TBC1D9B: variants seen among roughly 807,000 people sequenced by gnomAD.
TBC1D9B encodes TBC1 domain family, member 9B (with GRAM domain).
A neutral mutation model predicts 121.1 loss-of-function variants in TBC1D9B; 87 were observed. The observed-to-expected ratio is 0.72, with a 90% CI of 0.60 to 0.86. TBC1D9B has a LOEUF of 0.86. Ranked by LOEUF, TBC1D9B falls within the 40% of genes least tolerant of loss-of-function variation. The probability of loss-of-function intolerance (pLI) is 0.00; values close to 1 mark genes in which losing one functional copy is unlikely to be tolerated. For synonymous variants in TBC1D9B, 668 were observed against 670.1 expected (o/e 1.00, Z 0.05); for missense variants, 1,540 against 1,628.6 (o/e 0.95, Z 0.94).
chr5:179,871,570 A>T (rs1479537225), intron 14 of TBC1D9B, 40 bp from the exon 15 acceptor site: 1 of 1,601,368 alleles, frequency 6.2e-7, no homozygotes, highest in South Asian at 1.1e-5. Flanking sequence ...CTGGATCACA[A>T]GCTCCTGGCA....
chr5:179,865,414 T>C lies in TBC1D9B; in HGVS notation c.2915-54A>G. 6.5e-7 allele frequency: 1 copy of C among 1,539,318 alleles called. No individual in the cohort carries two copies. The highest frequency in any genetic ancestry group is 1.1e-5 in the South Asian group (1 of 89,486). On this transcript the variant is annotated intron_variant, in intron 19 of 20. Transcript: ENST00000355235. The surrounding 1 kb of genome is among the most constrained non-coding windows in gnomAD (Gnocchi z 5.1). ...TTTGTCATGTGAGACGGCTGCGGGC[T>C]GACAGCAGGGAGAGGAAGAGTTGGG...
In TBC1D9B at chr5:179,874,780, C is replaced by T. The variant is rs1216073900; in HGVS notation, c.2186+122G>A. ...CCGCCTCCTGACCCCAGAGCACCCCCGGGTCCAGCTGCAGCCTGGCACTTG... is the reference window on the plus strand; with the variant it reads ...CCGCCTCCTGACCCCAGAGCACCCCTGGGTCCAGCTGCAGCCTGGCACTTG... On this transcript the variant is annotated intron_variant, in intron 12 of 20. Transcript: ENST00000355235. The surrounding 1 kb of genome is among the most constrained non-coding windows in gnomAD (Gnocchi z 4.3). The T allele has an allele frequency of 9.1e-6, 13 of 1,429,584 alleles. No individual in the cohort carries two copies. Among genetic ancestry groups the T allele is most frequent in the Admixed American group, 2.2e-5 (1 of 46,318 alleles). 88.6% of individuals were successfully genotyped at this position (1,429,584 alleles called of 1,614,324 possible). A position where few individuals can be genotyped will look rare whatever the true frequency, so the allele number is the denominator to read the frequency against.
At chr5:179,898,064 C>T (rs187578163) in intron 3 of TBC1D9B, among the ~76,000 whole-genome samples, 2,365 of 152,148 alleles carry the variant, frequency 0.016, 27 homozygotes, top group Non-Finnish European at 0.024. Context: ...GCCTGTAATC[C>T]CATAACTTTG....
intron 14 of TBC1D9B, 185 bp from the exon 15 acceptor site, chr5:179,871,715 C>G (rs1221694759): frequency 1.7e-6 from 1 of 578,230 alleles, no homozygotes; most frequent in Admixed American, 2.8e-5. Flanking sequence ...TGGCCCCCCA[C>G]CTACCACTCA....
At chr5:179,883,609 G>C (rs562539392) in intron 7 of TBC1D9B, among the ~76,000 whole-genome samples, 1 of 151,520 alleles carries the variant, frequency 6.6e-6, no homozygotes, top group South Asian at 2.1e-4. Context: ...CTTTTAACCT[G>C]AGCTTTTTAA....
chr5:179,906,316 G>A (rs1319148398), intron 1 of TBC1D9B, among the ~76,000 whole-genome samples: 4 of 152,152 alleles, frequency 2.6e-5, no homozygotes, highest in Non-Finnish European at 5.9e-5. Flanking sequence ...GTTCCCTTGG[G>A]GGGACCCTGG....
chr5:179,905,228 A>C (rs1439252153), intron 1 of TBC1D9B, among the ~76,000 whole-genome samples: 2 of 152,238 alleles, frequency 1.3e-5, no homozygotes, highest in African/African-American at 4.8e-5. Flanking sequence ...CAAAATCCAG[A>C]AAACCAACAC....
chr5:179,904,279 C>T lies in TBC1D9B; in HGVS notation c.229+423G>A, dbSNP rs958676656. Among the ~76,000 whole-genome samples the T allele has an allele frequency of 1.5e-5, 2 of 137,824 alleles. No homozygotes were observed. Among genetic ancestry groups the T allele is most frequent in the African/African-American group, 2.9e-5 (1 of 34,898 alleles). The allele number at this position is 137,824 out of a possible 152,430, so 90.4% of individuals were successfully genotyped here. On this transcript the variant is annotated intron_variant, in intron 2 of 20. Transcript: ENST00000355235. This position sits in a 1 kb window ranked among gnomAD's most constrained non-coding sequence, Gnocchi z 4.2. ...TCGCTGTGTCGCCCAGGCTGGAGTGCAGTGGCGCGATCTCGGCTCACTGCA... is the reference window on the plus strand; with the variant it reads ...TCGCTGTGTCGCCCAGGCTGGAGTGTAGTGGCGCGATCTCGGCTCACTGCA...
At chr5:179,880,555 G>C (rs1760511350) in intron 7 of TBC1D9B, among the ~76,000 whole-genome samples, 1 of 152,252 alleles carries the variant, frequency 6.6e-6, no homozygotes, top group Admixed American at 6.5e-5. Flanking sequence ...CTGCCAGGGT[G>C]CTGGGCGCCC....
At position 179,879,756 on chromosome 5, in the gene TBC1D9B, G is replaced by C. The variant is rs1446325598; in HGVS notation, c.1288C>G (p.Pro430Ala). The change falls in exon 8 of 21, where the codon CCC (proline) becomes GCC (alanine). Residue 430 changes from proline to alanine, a missense_variant. Transcript: ENST00000355235. ...SPAPQEGSEQ[P>A]ASPASPLSSR... ...CTGAGGGGAGAGGCTGGGCTGGCGG[G>C]CTGCTCCGACCCCTCCTGAGGAGCT... 4 of 1,613,710 alleles carry C rather than the reference G, an allele frequency of 2.5e-6. No individual in the cohort carries two copies. In the African/African-American group the frequency reaches 4.0e-5, roughly 16 times the overall value.
At position 179,904,326 on chromosome 5, in the gene TBC1D9B, G is replaced by A. The variant is rs1237170082; in HGVS notation, c.229+376C>T. On this transcript the variant is annotated intron_variant, in intron 2 of 20. Transcript: ENST00000355235. The surrounding 1 kb of genome is among the most constrained non-coding windows in gnomAD (Gnocchi z 4.2). ...TGCAAGCTCCGCCTCCCGGGTTCAC[G>A]CCATTCTCCTGCCTCAGCCTCCCGA... is the stretch of plus-strand genomic sequence containing the variant. 2.0e-5 allele frequency among the ~76,000 whole-genome samples: 3 copies of A among 149,628 alleles called. No individual in the cohort carries two copies. The highest frequency in any genetic ancestry group is 7.4e-5 in the African/African-American group (3 of 40,592).
chr5:179,903,636 C>G (rs269474), intron 2 of TBC1D9B, among the ~76,000 whole-genome samples: 1 of 152,090 alleles, frequency 6.6e-6, no homozygotes, highest in East Asian at 1.9e-4. Context: ...TTATTTAATA[C>G]GTATTCCTGA....
At position 179,865,718 on chromosome 5, in the gene TBC1D9B, G is replaced by T; in HGVS notation, c.2914+120C>A. 1 of 1,141,440 alleles carries T rather than the reference G, an allele frequency of 8.8e-7. No individual in the cohort carries two copies. Among genetic ancestry groups the T allele is most frequent in the Non-Finnish European group, 1.3e-6 (1 of 794,174 alleles). The allele number at this position is 1,141,440 out of a possible 1,614,324, so 70.7% of individuals were successfully genotyped here. On this transcript the variant is annotated intron_variant, in intron 19 of 20. Transcript: ENST00000355235. The surrounding 1 kb of genome is among the most constrained non-coding windows in gnomAD (Gnocchi z 5.1). ...TCCCGAGGCCTGCTCCCTGATCGGG[G>T]GACGCATCCGCCATCTCCCGGGGTA...
At chr5:179,883,369 A>G (rs1372492402) in intron 7 of TBC1D9B, among the ~76,000 whole-genome samples, 1 of 152,132 alleles carries the variant, frequency 6.6e-6, no homozygotes, top group Non-Finnish European at 1.5e-5. Flanking sequence ...CTACGATTAT[A>G]CGTAAGTTTG....
chr5:179,870,176 A>G (rs1760145374), intron 16 of TBC1D9B, 79 bp downstream of exon 16: 9 of 1,577,158 alleles, frequency 5.7e-6, no homozygotes, highest in Non-Finnish European at 6.9e-6. Flanking sequence ...GGGAACAGAC[A>G]GGAGATGCTG....
chr5:179,884,859 G>A (rs1561641948), intron 7 of TBC1D9B, among the ~76,000 whole-genome samples: 1 of 152,192 alleles, frequency 6.6e-6, no homozygotes, highest in Non-Finnish European at 1.5e-5. Context: ...GGGAGTGGGG[G>A]CTGAGGAGTT....
intron 7 of TBC1D9B, among the ~76,000 whole-genome samples, chr5:179,886,384 C>T (rs557571727): frequency 3.9e-5 from 6 of 152,190 alleles, no homozygotes; most frequent in African/African-American, 1.4e-4. Context: ...TGGGAGGGGC[C>T]GTGAGTGGTG....
intron 15 of TBC1D9B, 69 bp downstream of exon 15, chr5:179,871,393 G>T: frequency 6.8e-7 from 1 of 1,471,286 alleles, no homozygotes; most frequent in East Asian, 2.3e-5. Context: ...GATACTCTTA[G>T]ATCCATTTCT....
At chr5:179,869,254 C>T in intron 17 of TBC1D9B, 1 of 275,316 alleles carries the variant, frequency 3.6e-6, no homozygotes, top group South Asian at 3.6e-5. Flanking sequence ...CTCCTTGGAG[C>T]ATTGTCCATG....
Sources: allele counts gnomAD v4.1 joint callset (sites outside exome capture counted in the v4.1 genomes callset), GRCh38; gene constraint gnomAD v4.1.1; non-coding constraint Gnocchi (gnomAD v3.1); transcripts MANE v1.5; gene names NCBI Gene and HGNC (gene_info 2026-07-23, HGNC 2026-07-21).